The following HEMK2 variants were observed in gnomAD, a reference collection of about 807,000 sequenced individuals.
HEMK2 encodes methyltransferase HEMK2.
At chr21:28,582,277 A>G in the HEMK2 span, among the ~76,000 whole-genome samples, 4 of 152,216 alleles carry the variant, frequency 2.6e-5, no homozygotes, top group East Asian at 7.7e-4. Flanking sequence ...AGTCCAGCTC[A>G]CACTCATAGA....
the HEMK2 span, chr21:28,880,014 ATTAATCT>A: frequency 3.4e-6 from 4 of 1,180,146 alleles, no homozygotes; most frequent in Non-Finnish European, 4.8e-6. Context: ...TAACTGACAA[ATTAATCT>A]TTAAAAATAA....
the HEMK2 span, among the ~76,000 whole-genome samples, chr21:28,709,499 C>T: frequency 1.3e-5 from 2 of 152,102 alleles, no homozygotes; most frequent in Admixed American, 1.3e-4. Flanking sequence ...ACAACCAAGT[C>T]TACTGTTAAG....
the HEMK2 span, among the ~76,000 whole-genome samples, chr21:28,645,074 G>A: frequency 6.6e-6 from 1 of 152,160 alleles, no homozygotes; most frequent in East Asian, 1.9e-4. Context: ...CAAAGACTAT[G>A]AAGTGAGTCT....
chr21:28,577,002 CGCCCA>C, the HEMK2 span, among the ~76,000 whole-genome samples: 1 of 152,196 alleles, frequency 6.6e-6, no homozygotes, highest in Non-Finnish European at 1.5e-5. Context: ...TGAGCCACTG[CGCCCA>C]GCCCTAGCTT....
chr21:28,879,460 T>C, the HEMK2 span, among the ~76,000 whole-genome samples: 1 of 152,220 alleles, frequency 6.6e-6, no homozygotes, highest in South Asian at 2.1e-4. Context: ...CAGGCTGGTC[T>C]TGAACCCTTG....
At chr21:28,638,431 A>G in the HEMK2 span, among the ~76,000 whole-genome samples, 2 of 152,114 alleles carry the variant, frequency 1.3e-5, no homozygotes, top group African/African-American at 4.8e-5. Context: ...GATTAATAAG[A>G]GCTAAGCCTG....
chr21:28,885,096 G>A, the HEMK2 span: 1,184,753 of 1,371,842 alleles, frequency 0.86, 516,835 homozygotes, highest in South Asian at 0.94. Context: ...TCATCTGCAA[G>A]TGGACCCCGC....
At chr21:28,750,997 G>A in the HEMK2 span, among the ~76,000 whole-genome samples, 8 of 152,186 alleles carry the variant, frequency 5.3e-5, no homozygotes, top group East Asian at 1.9e-4. Context: ...TTGGGAGGCC[G>A]AGGCGGGCGG....
chr21:28,711,639 A>T, the HEMK2 span, among the ~76,000 whole-genome samples: 1 of 152,120 alleles, frequency 6.6e-6, no homozygotes, highest in South Asian at 2.1e-4. Context: ...TGTGATATAA[A>T]CTCACATAAG....
the HEMK2 span, among the ~76,000 whole-genome samples, chr21:28,785,215 G>T: frequency 9.9e-5 from 15 of 152,086 alleles, no homozygotes; most frequent in African/African-American, 1.4e-4. Context: ...TCACCGCAAG[G>T]GTCCGCGGCT....
At chr21:28,836,042 TA>T in the HEMK2 span, among the ~76,000 whole-genome samples, 1 of 152,178 alleles carries the variant, frequency 6.6e-6, no homozygotes, top group Non-Finnish European at 1.5e-5. Context: ...AAGACAATTC[TA>T]AAAGCTTGGG....
At chr21:28,614,122 C>G in the HEMK2 span, among the ~76,000 whole-genome samples, 1 of 152,138 alleles carries the variant, frequency 6.6e-6, no homozygotes, top group Non-Finnish European at 1.5e-5. Context: ...CATCTCCATC[C>G]AGGAATTGAA....
chr21:28,878,452 G>A, the HEMK2 span: 32 of 1,069,514 alleles, frequency 3.0e-5, no homozygotes, highest in African/African-American at 6.4e-5. Context: ...TACTGCTGAC[G>A]AAGGAGCAGT....
chr21:28,838,972 A>AAAAAATATATATATATATATAT, the HEMK2 span, among the ~76,000 whole-genome samples: 7 of 29,144 alleles, frequency 2.4e-4, no homozygotes, highest in Non-Finnish European at 3.9e-4. Flanking sequence ...AAAAAAAAAA[A>AAAAAATATATATATATATATAT]ATATATATAT....
At chr21:28,688,763 C>T in the HEMK2 span, among the ~76,000 whole-genome samples, 172 of 152,132 alleles carry the variant, frequency 1.1e-3, no homozygotes, top group African/African-American at 3.9e-3. Flanking sequence ...TGGCTGTCTC[C>T]ATTTTGTTTA....
chr21:28,580,561 A>G, the HEMK2 span, among the ~76,000 whole-genome samples: 1 of 94,914 alleles, frequency 1.1e-5, no homozygotes, highest in African/African-American at 3.3e-5. Context: ...GAAAAGTTTA[A>G]TGCACTTAAA....
the HEMK2 span, among the ~76,000 whole-genome samples, chr21:28,636,030 A>G: frequency 3.5e-4 from 53 of 152,192 alleles, no homozygotes; most frequent in African/African-American, 1.2e-3. Flanking sequence ...AGTTCCACTG[A>G]AGAAACTAGT....
the HEMK2 span, among the ~76,000 whole-genome samples, chr21:28,642,862 T>C: frequency 3.3e-5 from 5 of 152,174 alleles, no homozygotes; most frequent in Non-Finnish European, 2.9e-5. Context: ...CAGCCACTTG[T>C]GTTGCTCTGC....
At chr21:28,867,317 A>C in the HEMK2 span, among the ~76,000 whole-genome samples, 1 of 152,218 alleles carries the variant, frequency 6.6e-6, no homozygotes, top group Non-Finnish European at 1.5e-5. Context: ...TTCAACATGG[A>C]GAAGTTGCAC....
Sources: gnomAD v4.1 joint callset for allele counts (sites outside exome capture counted in the v4.1 genomes callset) on GRCh38, gnomAD v4.1.1 for gene constraint, MANE v1.5 for transcripts, NCBI Gene and HGNC (gene_info 2026-07-23, HGNC 2026-07-21) for gene names.